SCN8A: variants seen among roughly 807,000 people sequenced by gnomAD.
The protein encoded by SCN8A is sodium voltage-gated channel alpha subunit 8.
SCN8A carries 30 observed loss-of-function variants against 184.1 expected under a neutral mutation model. That is an observed-to-expected ratio of 0.16 (90% CI 0.12 to 0.22). The LOEUF (loss-of-function observed/expected upper bound fraction) is 0.22. SCN8A is among the 10% of genes least tolerant of loss of function. The pLI is 1.00. For synonymous variants in SCN8A, 852 were observed against 907.0 expected (o/e 0.94, Z 1.09); for missense variants, 1,057 against 2,498.9 (o/e 0.42, Z 12.30).
chr12:51,780,608 T>TTA, intron 20 of SCN8A, 41 bp from the exon 21 acceptor site: 11 of 348,866 alleles, frequency 3.2e-5, no homozygotes, highest in South Asian at 9.8e-5. Context: ...TTTTTTTGGT[T>TTA]ACCTTTTTTG....
intron 11 of SCN8A, among the ~76,000 whole-genome samples, chr12:51,715,657 C>CAAA (rs71092719): frequency 4.3e-4 from 31 of 71,832 alleles, no homozygotes; most frequent in African/African-American, 1.4e-3. Flanking sequence ...GTCTCTGTCT[C>CAAA]AAAAAAAAAA....
intron 18 of SCN8A, 113 bp from the exon 19 acceptor site, chr12:51,770,416 C>T: frequency 3.4e-6 from 4 of 1,179,326 alleles, no homozygotes; most frequent in Admixed American, 2.7e-5. Context: ...CAGCCACTGT[C>T]CTCCTGGCTG....
rs1351232915 is a variant in SCN8A at position 51,730,736 on chromosome 12, A to G, written c.1998+8828A>G. The stretch of plus-strand genomic sequence containing the variant: ...AGTTATATTCTTTTAGTTATTTTCA[A>G]ATGTAGAATTAAATTATTTTCACTA... On this transcript the variant is annotated intron_variant, in intron 12 of 26. Transcript: ENST00000627620. Among the ~76,000 whole-genome samples, 2 of 152,188 alleles carry G rather than the reference A, an allele frequency of 1.3e-5. 1 individual carries two copies. The highest frequency in any genetic ancestry group is 2.9e-5 in the Non-Finnish European group (2 of 68,040).
chr12:51,809,730 C>T lies in SCN8A; in HGVS notation c.*2301C>T, dbSNP rs1406569632. The T allele has an allele frequency of 2.0e-5, 3 of 152,100 alleles. No individual in the cohort carries two copies. Among genetic ancestry groups the T allele is most frequent in the Non-Finnish European group, 4.4e-5 (3 of 68,012 alleles). The allele number at this position is 152,100 out of a possible 1,614,324, so 9.4% of individuals were successfully genotyped here. ...TATATAATTTTATTTTATTGGCATG[C>T]CTTTTTGTAAATACAAATTATTAAC... On this transcript the variant is annotated 3_prime_UTR_variant, in exon 27 of 27. Transcript: ENST00000627620.
intron 1 of SCN8A, among the ~76,000 whole-genome samples, chr12:51,656,823 TA>T (rs1195365829): frequency 2.5e-4 from 37 of 145,958 alleles, no homozygotes; most frequent in African/African-American, 3.5e-4. Context: ...TGGCAGCAAT[TA>T]AAAAAAAAAG....
intron 14 of SCN8A, among the ~76,000 whole-genome samples, chr12:51,760,788 T>C (rs11837557): frequency 0.09 from 13,711 of 152,166 alleles, 1,220 homozygotes; most frequent in African/African-American, 0.23. Flanking sequence ...AATTTTAGAA[T>C]ATTGCATCTT....
At chr12:51,715,939 A>C (rs1218365460) in intron 11 of SCN8A, among the ~76,000 whole-genome samples, 4 of 152,198 alleles carry the variant, frequency 2.6e-5, no homozygotes, top group Admixed American at 2.6e-4. Context: ...TGTGCAAAGC[A>C]CTCTGGGAGA....
At chr12:51,780,561 C>CTTTTTTTTTTTTTTTTTTTTTTTTTTTTT (rs1565923413) in intron 20 of SCN8A, 88 bp from the exon 21 acceptor site, 1 of 457,856 alleles carries the variant, frequency 2.2e-6, no homozygotes, top group Admixed American at 2.3e-4. Context: ...CCTCTGTTTT[C>CTTTTTTTTTTTTTTTTTTTTTTTTTTTTT]TTTCTTTTTT....
chr12:51,715,993 T>TG (rs1172639978), intron 11 of SCN8A, among the ~76,000 whole-genome samples: 7 of 152,148 alleles, frequency 4.6e-5, no homozygotes, highest in Non-Finnish European at 4.4e-5. Context: ...AGTTTGTAGT[T>TG]GGTTAAAAAT....
At chr12:51,604,998 A>G (rs150917082) in intron 1 of SCN8A, among the ~76,000 whole-genome samples, 1 of 152,178 alleles carries the variant, frequency 6.6e-6, no homozygotes, top group African/African-American at 2.4e-5. Flanking sequence ...CCCTCCTCCT[A>G]ACGTCCACCC....
At chr12:51,697,820 T>A (rs1592386656) in intron 6 of SCN8A, among the ~76,000 whole-genome samples, 1 of 152,296 alleles carries the variant, frequency 6.6e-6, no homozygotes, top group East Asian at 1.9e-4. Context: ...AAATGCTTTG[T>A]GAAGTTTTTT....
chr12:51,751,487 T>G lies in SCN8A; in HGVS notation c.2264T>G (p.Val755Gly). 1 of 1,613,938 alleles carries G rather than the reference T, an allele frequency of 6.2e-7. No homozygotes were observed. Among genetic ancestry groups the G allele is most frequent in the East Asian group, 2.2e-5 (1 of 44,872 alleles). Residue 755 changes from valine (V) to glycine (G), a missense_variant, in exon 14 of 27, where the codon GTG becomes GGG. Physicochemically the swap from Val to Gly is moderately radical, Grantham distance 109. Coordinates refer to ENST00000627620, the MANE Select transcript of SCN8A (RefSeq NM_001330260.2). Reference protein sequence around the residue: ...IVNLIVMDPFVDLAITICIVL... With the variant: ...IVNLIVMDPFGDLAITICIVL... ...AACTTGATAGTTATGGACCCTTTTG[T>G]GGATTTAGCCATCACCATCTGCATC...
At chr12:51,744,320 T>TA (rs971580875) in intron 12 of SCN8A, among the ~76,000 whole-genome samples, 1 of 152,114 alleles carries the variant, frequency 6.6e-6, no homozygotes, top group African/African-American at 2.4e-5. Context: ...CAAAAAACCT[T>TA]AGAGATTTGC....
At chr12:51,649,419 T>C (rs1027950976) in intron 1 of SCN8A, among the ~76,000 whole-genome samples, 1 of 152,212 alleles carries the variant, frequency 6.6e-6, no homozygotes, top group African/African-American at 2.4e-5. Context: ...CCCTCTACAC[T>C]GCCCTAGCAG....
intron 6 of SCN8A, among the ~76,000 whole-genome samples, chr12:51,694,451 C>T (rs1018940914): frequency 1.3e-5 from 2 of 152,148 alleles, no homozygotes. Context: ...CCAGCTTTCC[C>T]TCTTGTCACT....
chr12:51,761,512 G>A (rs1241862387), intron 14 of SCN8A, among the ~76,000 whole-genome samples: 1 of 151,316 alleles, frequency 6.6e-6, no homozygotes, highest in Non-Finnish European at 1.5e-5. Flanking sequence ...GGCTTGCTGT[G>A]TCGCCTGTGC....
chr12:51,728,081 G>A (rs1942182926), intron 12 of SCN8A, among the ~76,000 whole-genome samples: 1 of 152,286 alleles, frequency 6.6e-6, no homozygotes, highest in Admixed American at 6.5e-5. Flanking sequence ...TTTCCTGGTA[G>A]TACAGATATA....
rs1209296463 is a variant in SCN8A, at chr12:51,810,774, T to G, written c.*3345T>G. 2.0e-5 allele frequency: 3 copies of G among 152,500 alleles called. No individual in the cohort carries two copies. Among genetic ancestry groups the G allele is most frequent in the African/African-American group, 7.2e-5 (3 of 41,436 alleles). 9.4% of individuals were successfully genotyped at this position (152,500 alleles called of 1,614,324 possible). A position where few individuals can be genotyped will look rare whatever the true frequency, so the allele number is the denominator to read the frequency against. ...TCCTTGTTGCTTAGGATGAGGAGAC[T>G]CTGTAATTTAAAGCAGAGGACGAGA... On this transcript the variant is annotated 3_prime_UTR_variant, in exon 27 of 27. Coordinates refer to ENST00000627620, the MANE Select transcript of SCN8A (RefSeq NM_001330260.2).
At chr12:51,685,428 A>T (rs1197622658) in intron 3 of SCN8A, among the ~76,000 whole-genome samples, 1 of 152,190 alleles carries the variant, frequency 6.6e-6, no homozygotes, top group African/African-American at 2.4e-5. Flanking sequence ...CTAATTGTCT[A>T]ATATGACAAT....
Sources: allele counts gnomAD v4.1 joint callset (sites outside exome capture counted in the v4.1 genomes callset), GRCh38; gene constraint gnomAD v4.1.1; transcripts MANE v1.5; gene names NCBI Gene and HGNC (gene_info 2026-07-23, HGNC 2026-07-21).